Variants in TRAPPC12 observed in about 807,000 individuals in gnomAD.
TRAPPC12 encodes TPR repeat protein 15.
Under a neutral mutation model 69.2 loss-of-function variants are expected in TRAPPC12, and 61 were observed. That is an observed-to-expected ratio of 0.88 (90% confidence interval 0.72 to 1.09). TRAPPC12 has a LOEUF of 1.09. Ranked by LOEUF, TRAPPC12 falls within the 50% of genes least tolerant of loss-of-function variation. The pLI, the probability that TRAPPC12 is intolerant of heterozygous loss-of-function variation, is 0.00. For synonymous variants in TRAPPC12, 469 were observed against 438.9 expected (o/e 1.07, Z -0.86); for missense variants, 1,101 against 1,016.4 (o/e 1.08, Z -1.13).
intron 3 of TRAPPC12, among the ~76,000 whole-genome samples, chr2:3,402,999 C>G (rs962417294): frequency 3.3e-5 from 5 of 152,172 alleles, no homozygotes; most frequent in Non-Finnish European, 7.3e-5. Context: ...GAATAAGTCC[C>G]ACCGGCTGTC....
At chr2:3,405,532 G>A (rs1197890630) in intron 3 of TRAPPC12, among the ~76,000 whole-genome samples, 2 of 152,192 alleles carry the variant, frequency 1.3e-5, no homozygotes, top group East Asian at 3.9e-4. Context: ...TTTCCCATGA[G>A]AAGACCTTAT....
At chr2:3,435,981 C>T (rs1189996519) in intron 5 of TRAPPC12, among the ~76,000 whole-genome samples, 5 of 152,120 alleles carry the variant, frequency 3.3e-5, no homozygotes, top group South Asian at 2.1e-4. Flanking sequence ...TTTGAGTTAG[C>T]GAATTTTAAT....
At chr2:3,406,599 A>G (rs1661747348) in intron 3 of TRAPPC12, among the ~76,000 whole-genome samples, 1 of 152,218 alleles carries the variant, frequency 6.6e-6, no homozygotes, top group African/African-American at 2.4e-5. Flanking sequence ...ATTTGTAAGT[A>G]TCTGTATCCT....
At chr2:3,471,433 G>C (rs1666055783) in intron 9 of TRAPPC12, among the ~76,000 whole-genome samples, 2 of 152,186 alleles carry the variant, frequency 1.3e-5, no homozygotes, top group East Asian at 3.9e-4. Flanking sequence ...CGCCAGACAG[G>C]TGACAGCCGT....
At chr2:3,464,076 C>T (rs1665662085) in intron 8 of TRAPPC12, among the ~76,000 whole-genome samples, 1 of 152,168 alleles carries the variant, frequency 6.6e-6, no homozygotes, top group Non-Finnish European at 1.5e-5. Context: ...TCAGCCGCCC[C>T]GAGTGCCCCC....
At chr2:3,453,821 C>T (rs1007756793) in intron 6 of TRAPPC12, among the ~76,000 whole-genome samples, 3 of 152,206 alleles carry the variant, frequency 2.0e-5, no homozygotes, top group Non-Finnish European at 4.4e-5. Flanking sequence ...GGATTGAGAA[C>T]GTGTCTGTCA....
chr2:3,441,664 ATTTTC>A (rs985184639), intron 5 of TRAPPC12, among the ~76,000 whole-genome samples: 2 of 148,108 alleles, frequency 1.4e-5, no homozygotes, highest in African/African-American at 4.9e-5. Flanking sequence ...TATTTTTATT[ATTTTC>A]TTATAATAAA....
Position 3,387,754 on chromosome 2 carries a change from G to C in TRAPPC12, c.131G>C (p.Gly44Ala). 28 of 1,611,978 alleles carry C rather than the reference G, an allele frequency of 1.7e-5. 1 individual carries two copies. Among genetic ancestry groups the C allele is most frequent in the Non-Finnish European group, 2.4e-5 (28 of 1,178,946 alleles). Residue 44 changes from glycine (G) to alanine (A), a missense_variant, in exon 2 of 12, where the codon GGA becomes GCA. Gly to Ala is a moderately conservative substitution (Grantham distance 60). Coordinates refer to ENST00000324266, the MANE Select transcript of TRAPPC12 (RefSeq NM_016030.6). ...ETIDLGGDEF[G>A]SEENETASEG... ...ATCGATCTTGGCGGAGATGAGTTTG[G>C]ATCCGAAGAGAACGAGACCGCATCG...
intron 5 of TRAPPC12, 63 bp downstream of exon 5, chr2:3,424,726 T>C: frequency 6.8e-7 from 1 of 1,480,222 alleles, no homozygotes; most frequent in Non-Finnish European, 9.0e-7. Flanking sequence ...TGCTTTGATT[T>C]ATACATAATT....
chr2:3,408,737 GT>G (rs1421302852), intron 3 of TRAPPC12, among the ~76,000 whole-genome samples: 1 of 152,176 alleles, frequency 6.6e-6, no homozygotes, highest in Non-Finnish European at 1.5e-5. Flanking sequence ...TTGTACATGT[GT>G]GTAAAAAGAC....
chr2:3,413,900 C>T (rs888152230), intron 3 of TRAPPC12, among the ~76,000 whole-genome samples: 1 of 152,176 alleles, frequency 6.6e-6, no homozygotes, highest in African/African-American at 2.4e-5. Context: ...TCTCAGTTAG[C>T]TTACGATAGT....
intron 6 of TRAPPC12, among the ~76,000 whole-genome samples, chr2:3,444,403 A>G (rs569978113): frequency 8.5e-4 from 129 of 152,376 alleles, no homozygotes; most frequent in African/African-American, 2.8e-3. Flanking sequence ...TTGTGAAGTC[A>G]CAGTTAATGT....
rs1558358597 is a variant in TRAPPC12 at position 3,409,749 on chromosome 2, TTAAA to T, written c.1164+7857_1164+7860del. On this transcript the variant is annotated intron_variant, in intron 3 of 11. Transcript: ENST00000324266. ...TGGGCAACAAAGCAAGACTTTGTCT[TTAAA>T]AAAAAAAAAAAAAAAAAAAAAAAAA... is the stretch of plus-strand genomic sequence containing the variant. Among the ~76,000 whole-genome samples the T allele has an allele frequency of 7.1e-4, 63 of 88,720 alleles. 4 individuals carry two copies. The highest frequency in any genetic ancestry group is 9.1e-4 in the East Asian group (3 of 3,306). 58.2% of individuals were successfully genotyped at this position (88,720 alleles called of 152,430 possible).
intron 6 of TRAPPC12, among the ~76,000 whole-genome samples, chr2:3,452,821 A>C (rs562222087): frequency 2.6e-5 from 4 of 152,370 alleles, no homozygotes; most frequent in African/African-American, 9.6e-5. Context: ...GAGAAACCAC[A>C]GGGAAAATCC....
chr2:3,403,486 C>T (rs761087101), intron 3 of TRAPPC12, among the ~76,000 whole-genome samples: 3 of 152,212 alleles, frequency 2.0e-5, no homozygotes, highest in Non-Finnish European at 4.4e-5. Context: ...CTGCCTCACC[C>T]TCCCAGAGTG....
At position 3,465,755 on chromosome 2, in the gene TRAPPC12, G is replaced by A. The variant is rs1222098207; in HGVS notation, c.1776+60G>A. On this transcript the variant is annotated intron_variant, in intron 9 of 11. Transcript: ENST00000324266. ...CCTTATGATAGTTCTTTGCTCAGAT[G>A]GGCGACTGTTTGCTTTTAATCATTT... The A allele has an allele frequency of 3.6e-6, 4 of 1,121,224 alleles. No individual in the cohort carries two copies. The African/African-American group carries it at 6.2e-5, about 17-fold the overall frequency. The allele number at this position is 1,121,224 out of a possible 1,614,324, so 69.5% of individuals were successfully genotyped here.
intron 8 of TRAPPC12, 96 bp downstream of exon 8, chr2:3,460,432 G>T: frequency 1.3e-6 from 1 of 744,012 alleles, no homozygotes; most frequent in South Asian, 1.6e-5. Context: ...TGCTGGCAGG[G>T]ACCGGCCGTG....
At chr2:3,426,727 C>T (rs1369582714) in intron 5 of TRAPPC12, among the ~76,000 whole-genome samples, 3 of 152,218 alleles carry the variant, frequency 2.0e-5, no homozygotes, top group African/African-American at 7.2e-5. Flanking sequence ...GCTCGGTGGT[C>T]GTGAGCACTG....
intron 6 of TRAPPC12, among the ~76,000 whole-genome samples, chr2:3,445,197 A>AAGTG (rs1338472194): frequency 2.1e-5 from 2 of 97,514 alleles, no homozygotes; most frequent in African/African-American, 7.8e-5. Context: ...TGGTCCTGTT[A>AAGTG]TGTCCTATTT....
Sources: allele counts gnomAD v4.1 joint callset (sites outside exome capture counted in the v4.1 genomes callset), GRCh38; gene constraint gnomAD v4.1.1; transcripts MANE v1.5; gene names NCBI Gene and HGNC (gene_info 2026-07-23, HGNC 2026-07-21).